NUBPL: variants seen among roughly 807,000 people sequenced by gnomAD.
The protein encoded by NUBPL is iron-sulfur cluster transfer protein NUBPL.
NUBPL carries 31 observed loss-of-function variants against 45.7 expected under a neutral mutation model. The ratio of observed to expected loss-of-function variants is 0.68; its 90% confidence interval spans 0.51 to 0.92. The LOEUF is 0.92. Ranked by LOEUF, NUBPL falls within the 40% of genes least tolerant of loss-of-function variation. The probability of loss-of-function intolerance (pLI) is 0.00; values close to 1 mark genes in which losing one functional copy is unlikely to be tolerated. For missense variants in NUBPL, 401 were observed against 398.7 expected (o/e 1.01, Z -0.05); for synonymous variants, 144 against 140.9 (o/e 1.02, Z -0.15).
intron 3 of NUBPL, among the ~76,000 whole-genome samples, chr14:31,581,575 G>A (rs1342781236): frequency 3.3e-5 from 5 of 152,198 alleles, no homozygotes; most frequent in Admixed American, 2.6e-4. Context: ...CTTCTTTTTA[G>A]GTTCTTTGGT....
chr14:31,678,869 C>T (rs1055168597), intron 6 of NUBPL, among the ~76,000 whole-genome samples: 2 of 152,172 alleles, frequency 1.3e-5, no homozygotes, highest in Non-Finnish European at 2.9e-5. Context: ...CGCCTAGGAG[C>T]TGCAGTCCTT....
chr14:31,572,677 T>G (rs1332101570), intron 3 of NUBPL, among the ~76,000 whole-genome samples: 1 of 152,228 alleles, frequency 6.6e-6, no homozygotes, highest in Non-Finnish European at 1.5e-5. Context: ...CTTTTCCTGC[T>G]TCTTAAAAGA....
At chr14:31,720,824 T>G (rs1430738882) in intron 6 of NUBPL, among the ~76,000 whole-genome samples, 1 of 152,104 alleles carries the variant, frequency 6.6e-6, no homozygotes, top group Non-Finnish European at 1.5e-5. Context: ...TTAAAGAAAA[T>G]TTTTATCACT....
chr14:31,685,368 A>G (rs576842344), intron 6 of NUBPL, among the ~76,000 whole-genome samples: 1 of 152,354 alleles, frequency 6.6e-6, no homozygotes, highest in South Asian at 2.1e-4. Context: ...TAACAATACT[A>G]TGTAGGTAGA....
At chr14:31,667,273 T>A (rs2036455933) in intron 4 of NUBPL, among the ~76,000 whole-genome samples, 1 of 152,074 alleles carries the variant, frequency 6.6e-6, no homozygotes, top group East Asian at 1.9e-4. Flanking sequence ...TCTGTAATCT[T>A]GTCTTCAAGC....
At chr14:31,667,380 G>C (rs2036458555) in intron 4 of NUBPL, among the ~76,000 whole-genome samples, 1 of 151,848 alleles carries the variant, frequency 6.6e-6, no homozygotes. Flanking sequence ...AAGTTCTCGT[G>C]CTGTGTTTTT....
chr14:31,587,058 G>T (rs2034013636), intron 3 of NUBPL, among the ~76,000 whole-genome samples: 1 of 152,132 alleles, frequency 6.6e-6, no homozygotes, highest in Admixed American at 6.5e-5. Flanking sequence ...GTTTTTAAAT[G>T]CTACTCTTAG....
rs2039021688 is a variant in NUBPL at position 31,772,250 on chromosome 14, T to G, written c.514-15530T>G. ...GATTGATTACTCCTACTGGAAAAAA[T>G]TTGAAATTTCAGCCTTTGAGGTAGA... On this transcript the variant is annotated intron_variant, in intron 6 of 10. Coordinates refer to ENST00000281081, the MANE Select transcript of NUBPL (RefSeq NM_025152.3). Among the ~76,000 whole-genome samples the G allele has an allele frequency of 2.0e-5, 3 of 152,168 alleles. No homozygotes were observed. The South Asian group carries it at 6.2e-4, about 32-fold the overall frequency.
intron 7 of NUBPL, among the ~76,000 whole-genome samples, chr14:31,809,556 T>G (rs2039759181): frequency 6.6e-6 from 1 of 152,204 alleles, no homozygotes; most frequent in South Asian, 2.1e-4. Flanking sequence ...GTTGATCTTT[T>G]CAAAAAACCA....
intron 6 of NUBPL, among the ~76,000 whole-genome samples, chr14:31,771,337 A>AAAAAAAGG (rs1283164631): frequency 1.3e-5 from 2 of 152,210 alleles, no homozygotes; most frequent in Non-Finnish European, 2.9e-5. Flanking sequence ...AGAATAGGAA[A>AAAAAAAGG]AAAAAAGGAA....
intron 6 of NUBPL, among the ~76,000 whole-genome samples, chr14:31,730,660 G>T (rs754955128): frequency 3.7e-4 from 56 of 151,996 alleles, no homozygotes; most frequent in Non-Finnish European, 7.9e-4. Flanking sequence ...TAGAGACTGG[G>T]TTTCACCGTG....
chr14:31,764,098 AT>A (rs2038868034), intron 6 of NUBPL, among the ~76,000 whole-genome samples: 1 of 151,746 alleles, frequency 6.6e-6, no homozygotes, highest in Admixed American at 6.6e-5. Context: ...TGATCCAATT[AT>A]TTTTTCTTCT....
At chr14:31,767,568 A>T (rs1253025628) in intron 6 of NUBPL, among the ~76,000 whole-genome samples, 1 of 152,204 alleles carries the variant, frequency 6.6e-6, no homozygotes, top group East Asian at 1.9e-4. Flanking sequence ...CAGTATCCCC[A>T]CAAGTTGAAA....
intron 6 of NUBPL, among the ~76,000 whole-genome samples, chr14:31,726,599 G>T (rs1004918537): frequency 6.6e-6 from 1 of 152,124 alleles, no homozygotes; most frequent in Non-Finnish European, 1.5e-5. Flanking sequence ...GATCTTGTCT[G>T]TCTGGGGGAC....
chr14:31,712,911 T>C (rs1486191532), intron 6 of NUBPL, among the ~76,000 whole-genome samples: 1 of 151,968 alleles, frequency 6.6e-6, no homozygotes, highest in African/African-American at 2.4e-5. Context: ...AAACAGGAAC[T>C]AGGGAGGGGT....
chr14:31,788,739 A>AT (rs1356518797), intron 7 of NUBPL, among the ~76,000 whole-genome samples: 2 of 152,126 alleles, frequency 1.3e-5, no homozygotes, highest in Non-Finnish European at 2.9e-5. Context: ...TCCTTTCTGC[A>AT]TAGGTATTTC....
chr14:31,814,725 G>C (rs1384542241), intron 7 of NUBPL, among the ~76,000 whole-genome samples: 1 of 152,164 alleles, frequency 6.6e-6, no homozygotes, highest in East Asian at 1.9e-4. Context: ...AAGGTGTAAG[G>C]TAGGGGTCCA....
At chr14:31,842,066 GACTAC>G (rs2040384947) in intron 8 of NUBPL, among the ~76,000 whole-genome samples, 1 of 150,930 alleles carries the variant, frequency 6.6e-6, no homozygotes, top group South Asian at 2.1e-4. Context: ...GAGTAGCTGG[GACTAC>G]AGGCACCCGC....
chr14:31,836,526 T>TA (rs1389966530), intron 8 of NUBPL, among the ~76,000 whole-genome samples: 1 of 152,236 alleles, frequency 6.6e-6, no homozygotes, highest in Non-Finnish European at 1.5e-5. Flanking sequence ...GAAGACATCA[T>TA]AATGGACTTG....
Sources: allele counts gnomAD v4.1 joint callset (sites outside exome capture counted in the v4.1 genomes callset), GRCh38; gene constraint gnomAD v4.1.1; transcripts MANE v1.5; gene names NCBI Gene and HGNC (gene_info 2026-07-23, HGNC 2026-07-21).